CHST1: variants seen among roughly 807,000 people sequenced by gnomAD.
The protein encoded by CHST1 is carbohydrate sulfotransferase 1.
Under a neutral mutation model 22.5 loss-of-function variants are expected in CHST1, and 10 were observed. That is an observed-to-expected ratio of 0.44 (90% CI 0.27 to 0.75). The LOEUF is 0.75. CHST1 is among the 30% of genes least tolerant of loss of function. The probability of loss-of-function intolerance (pLI) is 0.15; values close to 1 mark genes in which losing one functional copy is unlikely to be tolerated. For synonymous variants in CHST1, 267 were observed against 264.5 expected, an observed-to-expected ratio of 1.01 and a Z score of -0.09; for missense variants, 439 against 576.1, an observed-to-expected ratio of 0.76 and a Z score of 2.44.
chr11:45,656,983 T>C (rs991680389), intron 1 of CHST1, among the ~76,000 whole-genome samples: 1 of 152,014 alleles, frequency 6.6e-6, no homozygotes, highest in Non-Finnish European at 1.5e-5. Context: ...AAAAAACTAC[T>C]GTGAAGCCCT....
chr11:45,662,641 G>A (rs1468278346), intron 1 of CHST1, among the ~76,000 whole-genome samples: 1 of 152,172 alleles, frequency 6.6e-6, no homozygotes, highest in Non-Finnish European at 1.5e-5. Flanking sequence ...CACTTACTAT[G>A]GCACCATTCT....
intron 1 of CHST1, among the ~76,000 whole-genome samples, chr11:45,654,506 G>C (rs1590690303): frequency 1.3e-5 from 2 of 152,242 alleles, no homozygotes; most frequent in East Asian, 3.8e-4. Context: ...GGCTGGCCAA[G>C]TGTCCTTGGT....
At chr11:45,652,283 A>AGT in intron 2 of CHST1, among the ~76,000 whole-genome samples, 193 bp from the exon 3 acceptor site, 1 of 152,250 alleles carries the variant, frequency 6.6e-6, no homozygotes, top group African/African-American at 2.4e-5. Context: ...TGATCCCCTG[A>AGT]GTGTGGCCCT....
chr11:45,662,418 A>T (rs146078443), intron 1 of CHST1, among the ~76,000 whole-genome samples: 1 of 152,310 alleles, frequency 6.6e-6, no homozygotes, highest in East Asian at 1.9e-4. Context: ...GCCCTCAGGA[A>T]CCTGAAACAA....
Position 45,648,128 on chromosome 11 carries a change from C to T in CHST1, c.*1560G>A, listed in dbSNP as rs1851941000. ...CAGTGTAGACACCAGTAAACCTGTACCAGTTATTCAAATAGTCAAATACTT... is the reference window on the plus strand; with the variant it reads ...CAGTGTAGACACCAGTAAACCTGTATCAGTTATTCAAATAGTCAAATACTT... On this transcript the variant is annotated 3_prime_UTR_variant, in exon 4 of 4. Coordinates refer to ENST00000308064, the MANE Select transcript of CHST1 (RefSeq NM_003654.6). Among the ~76,000 whole-genome samples the T allele has an allele frequency of 1.3e-5, 2 of 152,098 alleles. No homozygotes were observed.
chr11:45,650,187 G>T lies in CHST1; in HGVS notation c.737C>A (p.Thr246Asn). The T allele has an allele frequency of 1.2e-6, 2 of 1,612,402 alleles. No homozygotes were observed. The highest frequency in any genetic ancestry group is 1.7e-6 in the Non-Finnish European group (2 of 1,180,008). Reference protein sequence around the residue: ...PRGILASRSETFRDTYRLWRL... With the variant: ...PRGILASRSENFRDTYRLWRL... ...CCAGAGCCGGTACGTGTCGCGGAAGGTCTCGCTGCGCGAAGCCAGAATGCC... is the reference window on the plus strand; with the variant it reads ...CCAGAGCCGGTACGTGTCGCGGAAGTTCTCGCTGCGCGAAGCCAGAATGCC... The change falls in exon 4 of 4, where the codon ACC (threonine) becomes AAC (asparagine). Residue 246 changes from threonine to asparagine, a missense_variant. By Grantham distance (65) the Thr-to-Asn change is moderately conservative (BLOSUM62 0). Coordinates refer to ENST00000308064, the MANE Select transcript of CHST1 (RefSeq NM_003654.6).
At position 45,649,671 on chromosome 11, in the gene CHST1, C is replaced by A. The variant is rs937576892; in HGVS notation, c.*17G>T. Reference sequence around the variant, plus strand: ...ACCGACACCTTGCGCCTCCCGCCCCCACCCGCACCGCCCGGGTCACGAGAA... The same window carrying A: ...ACCGACACCTTGCGCCTCCCGCCCCAACCCGCACCGCCCGGGTCACGAGAA... On this transcript the variant is annotated 3_prime_UTR_variant, in exon 4 of 4. Coordinates refer to ENST00000308064, the MANE Select transcript of CHST1 (RefSeq NM_003654.6). 6 of 1,531,952 alleles carry A rather than the reference C, an allele frequency of 3.9e-6. No homozygotes were observed. The African/African-American group carries it at 5.5e-5, about 14-fold the overall frequency. The allele number at this position is 1,531,952 out of a possible 1,614,324, so 94.9% of individuals were successfully genotyped here. A position where few individuals can be genotyped will look rare whatever the true frequency, so the allele number is the denominator to read the frequency against.
Position 45,650,959 on chromosome 11 carries a change from G to C in CHST1, c.-36C>G. The C allele has an allele frequency of 4.6e-6, 7 of 1,515,324 alleles. No homozygotes were observed. Among genetic ancestry groups the C allele is most frequent in the Non-Finnish European group, 6.2e-6 (7 of 1,133,436 alleles). 93.9% of individuals were successfully genotyped at this position (1,515,324 alleles called of 1,614,324 possible). On this transcript the variant is annotated 5_prime_UTR_variant, in exon 4 of 4. Coordinates refer to ENST00000308064, the MANE Select transcript of CHST1 (RefSeq NM_003654.6). ...CTTCATGGGGCTGCTTCTCCAAGGG[G>C]TGAGGTCTGTGGGCAAAGGCGGCCA... is the stretch of plus-strand genomic sequence containing the variant.
At position 45,650,413 on chromosome 11, in the gene CHST1, G is replaced by C; in HGVS notation, c.511C>G (p.Pro171Ala). 5 of 1,607,028 alleles carry C rather than the reference G, an allele frequency of 3.1e-6. No individual in the cohort carries two copies. The highest frequency in any genetic ancestry group is 4.2e-6 in the Non-Finnish European group (5 of 1,179,726). The change falls in exon 4 of 4, where the codon CCA becomes GCA. Residue 171 changes from proline to alanine, a missense_variant. Transcript: ENST00000308064. ...CCCTCCTCCAGGACCAGGTCGGCTG[G>C]CCCCGGAGGGTCGCACACAGGCCGG... Reference protein sequence around the residue: ...CSRPVCDPPGPADLVLEEGDC... With the variant: ...CSRPVCDPPGAADLVLEEGDC...
intron 1 of CHST1, among the ~76,000 whole-genome samples, chr11:45,653,007 G>A (rs532065239): frequency 2.9e-4 from 44 of 152,368 alleles, no homozygotes; most frequent in Non-Finnish European, 5.0e-4. Flanking sequence ...GACTGGGCAG[G>A]CAGATGCTTC....
chr11:45,661,576 G>A (rs1852134095), intron 1 of CHST1, among the ~76,000 whole-genome samples: 1 of 152,216 alleles, frequency 6.6e-6, no homozygotes, highest in Non-Finnish European at 1.5e-5. Context: ...CAGGGCTGGT[G>A]TGTAGCTGAG....
At chr11:45,653,870 C>T (rs76211024) in intron 1 of CHST1, among the ~76,000 whole-genome samples, 5,939 of 152,188 alleles carry the variant, frequency 0.039, 408 homozygotes, top group African/African-American at 0.14. Context: ...CATGCCAGCT[C>T]TATGAAGTTG....
At position 45,650,563 on chromosome 11, in the gene CHST1, G is replaced by A. The variant is rs1851981851; in HGVS notation, c.361C>T (p.Arg121Cys). Residue 121 changes from arginine to cysteine, a missense_variant, in exon 4 of 4, where the codon CGC becomes TGC. By Grantham distance (180) the Arg-to-Cys change is radical. Transcript: ENST00000308064. The stretch of plus-strand genomic sequence containing the variant: ...TCGTAGAGGCTCCGCAGGAGGTCGC[G>A]GCTGGCGCCTAGCATGACCCGCCGG... ...ADRRVMLGAS[R>C]DLLRSLYDCD... is the part of the protein sequence containing the mutation. 3 of 1,613,920 alleles carry A rather than the reference G, an allele frequency of 1.9e-6. No homozygotes were observed. Among genetic ancestry groups the A allele is most frequent in the Non-Finnish European group, 2.5e-6 (3 of 1,179,980 alleles).
rs1270325380 is a variant in CHST1, at chr11:45,648,525, TCC to T, written c.*1161_*1162del. Among the ~76,000 whole-genome samples, 16 of 126,820 alleles carry T rather than the reference TCC, an allele frequency of 1.3e-4. No homozygotes were observed. Among genetic ancestry groups the T allele is most frequent in the African/African-American group, 1.3e-4 (4 of 30,402 alleles). The allele number at this position is 126,820 out of a possible 152,430, so 83.2% of individuals were successfully genotyped here. On this transcript the variant is annotated 3_prime_UTR_variant, in exon 4 of 4. Coordinates refer to ENST00000308064, the MANE Select transcript of CHST1 (RefSeq NM_003654.6). ...CGGTGAAACCCCGTCTCTACTAAAA[TCC>T]AAAAAAAAAAAAAAATAGCCAGGTG...
Position 45,650,236 on chromosome 11 carries a change from T to C in CHST1, c.688A>G (p.Ile230Val). 1 of 1,609,292 alleles carries C rather than the reference T, an allele frequency of 6.2e-7. No individual in the cohort carries two copies. The highest frequency in any genetic ancestry group is 8.5e-7 in the Non-Finnish European group (1 of 1,179,826). Residue 230 changes from isoleucine (I) to valine (V), a missense_variant, in exon 4 of 4, where the codon ATC becomes GTC. By Grantham distance (29) the Ile-to-Val change is conservative. Coordinates refer to ENST00000308064, the MANE Select transcript of CHST1 (RefSeq NM_003654.6). ...CCGCGGGGGTCTCGGACCAGCTGGA[T>C]GACCTTGAGGTTTAATCGCGGGTCT... is the stretch of plus-strand genomic sequence containing the variant. ...VEDPRLNLKVIQLVRDPRGIL... is the reference protein window; with the variant it reads ...VEDPRLNLKVVQLVRDPRGIL...
chr11:45,649,599 G>T lies in CHST1; in HGVS notation c.*89C>A. The T allele has an allele frequency of 7.6e-7, 1 of 1,320,154 alleles. No homozygotes were observed. Among genetic ancestry groups the T allele is most frequent in the South Asian group, 1.4e-5 (1 of 71,240 alleles). 81.8% of individuals were successfully genotyped at this position (1,320,154 alleles called of 1,614,324 possible). ...AAGGACACGAAGATGAGGTGGGAGA[G>T]GGAGGGGTTAATAAGGCAACAGTTA... On this transcript the variant is annotated 3_prime_UTR_variant, in exon 4 of 4. Transcript: ENST00000308064.
At position 45,650,411 on chromosome 11, in the gene CHST1, T is replaced by G. The variant is rs1851978761; in HGVS notation, c.513A>C (p.Pro171=). Residue 171 remains proline, a synonymous_variant, in exon 4 of 4, where the codon CCA becomes CCC. Transcript: ENST00000308064. ...CSRPVCDPPG[P]ADLVLEEGDC... is the part of the protein sequence containing the mutation. Reference sequence around the variant, plus strand: ...CCCCCTCCTCCAGGACCAGGTCGGCTGGCCCCGGAGGGTCGCACACAGGCC... The same window carrying G: ...CCCCCTCCTCCAGGACCAGGTCGGCGGGCCCCGGAGGGTCGCACACAGGCC... 7 of 1,606,924 alleles carry G rather than the reference T, an allele frequency of 4.4e-6. No individual in the cohort carries two copies. The highest frequency in any genetic ancestry group is 5.9e-6 in the Non-Finnish European group (7 of 1,179,702).
chr11:45,652,309 T>C (rs1006595393), intron 2 of CHST1, among the ~76,000 whole-genome samples: 1 of 152,212 alleles, frequency 6.6e-6, no homozygotes. Context: ...TCCTGGACTG[T>C]ATCCCACTCC....
At chr11:45,657,662 C>A (rs895730) in intron 1 of CHST1, among the ~76,000 whole-genome samples, 2 of 152,150 alleles carry the variant, frequency 1.3e-5, no homozygotes, top group Non-Finnish European at 1.5e-5. Flanking sequence ...TATGCCAACA[C>A]ACAATCCAAC....
Sources: gnomAD v4.1 joint callset for allele counts (sites outside exome capture counted in the v4.1 genomes callset) on GRCh38, gnomAD v4.1.1 for gene constraint, MANE v1.5 for transcripts, NCBI Gene and HGNC (gene_info 2026-07-23, HGNC 2026-07-21) for gene names.